The following SIDT1 variants were observed in gnomAD, a reference collection of about 807,000 sequenced individuals.
The protein encoded by SIDT1 is SID1 transmembrane family member 1.
Under a neutral mutation model 107.5 loss-of-function variants are expected in SIDT1, and 101 were observed. That is an observed-to-expected ratio of 0.94 (90% CI 0.80 to 1.11). The LOEUF (loss-of-function observed/expected upper bound fraction) is 1.11, where lower values mean the gene tolerates loss of function less well. Among genes scored for constraint, SIDT1 ranks in the 50% least tolerant of loss-of-function variants. The pLI is 0.00. For missense variants in SIDT1, 1,076 were observed against 1,058.2 expected (o/e 1.02, Z -0.23); for synonymous variants, 395 against 398.2 (o/e 0.99, Z 0.10).
chr3:113,603,004 G>T lies in SIDT1; in HGVS notation c.1118-1G>T. 6.2e-7 allele frequency: 1 copy of T among 1,613,626 alleles called. No homozygotes were observed. The highest frequency in any genetic ancestry group is 8.5e-7 in the Non-Finnish European group (1 of 1,179,778). ...TGGCAGATGAGTTGTCTCTGTTTCA[G>T]ATGAGTCAAGCTCCAGTCCTGGAAG... On this transcript the variant is annotated splice_acceptor_variant, in intron 11 of 24. Transcript: ENST00000264852. LOFTEE classifies it high-confidence loss of function.
intron 13 of SIDT1, among the ~76,000 whole-genome samples, chr3:113,604,425 G>T (rs1294406526): frequency 6.6e-6 from 1 of 152,170 alleles, no homozygotes; most frequent in African/African-American, 2.4e-5. Flanking sequence ...ACCCTTTCAC[G>T]TGATCCGTCA....
At position 113,611,131 on chromosome 3, in the gene SIDT1, C is replaced by T; in HGVS notation, c.1844C>T (p.Thr615Ile). 2 of 1,614,012 alleles carry T rather than the reference C, an allele frequency of 1.2e-6. No individual in the cohort carries two copies. Among genetic ancestry groups the T allele is most frequent in the Non-Finnish European group, 1.7e-6 (2 of 1,179,938 alleles). The change falls in exon 18 of 25, where the codon ACC becomes ATC. Residue 615 changes from threonine to isoleucine, a missense_variant. By Grantham distance (89) the Thr-to-Ile change is moderately conservative. Transcript: ENST00000264852. ...YASFAVVIMV[T>I]VLGVVFGKND... is the part of the protein sequence containing the mutation. ...TCCTTTGCTGTGGTCATCATGGTCACCGTCCTTGGAGTGGTGCGTCCCCCA... is the reference window on the plus strand; with the variant it reads ...TCCTTTGCTGTGGTCATCATGGTCATCGTCCTTGGAGTGGTGCGTCCCCCA...
chr3:113,589,056 C>G (rs1285089895), intron 9 of SIDT1, among the ~76,000 whole-genome samples: 1 of 152,182 alleles, frequency 6.6e-6, no homozygotes, highest in African/African-American at 2.4e-5. Context: ...CCAAGACAGA[C>G]AGCAGAAGAG....
In SIDT1 at chr3:113,548,512, T is replaced by C. The variant is rs555765582; in HGVS notation, c.222+15269T>C. 5.9e-5 allele frequency among the ~76,000 whole-genome samples: 9 copies of C among 152,252 alleles called. No homozygotes were observed. The East Asian group carries it at 1.2e-3, about 20-fold the overall frequency. On this transcript the variant is annotated intron_variant, in intron 1 of 24. Coordinates refer to ENST00000264852, the MANE Select transcript of SIDT1 (RefSeq NM_017699.3). The stretch of plus-strand genomic sequence containing the variant: ...GAGTTCGGAACATGCCACTCCACTA[T>C]ATGCTACTCTGGCATATTGACTATT...
chr3:113,591,028 G>A (rs184822883), intron 9 of SIDT1, among the ~76,000 whole-genome samples: 12 of 152,306 alleles, frequency 7.9e-5, no homozygotes, highest in Admixed American at 4.6e-4. Flanking sequence ...GTAATCACAA[G>A]AATCCTTATG....
At chr3:113,540,908 C>T (rs1938757188) in intron 1 of SIDT1, among the ~76,000 whole-genome samples, 3 of 152,026 alleles carry the variant, frequency 2.0e-5, no homozygotes, top group African/African-American at 7.3e-5. Context: ...GATACCTTCA[C>T]CCTCTCTTTC....
rs116582211 is a variant in SIDT1, at chr3:113,534,613, C to T, written c.222+1370C>T. 4.6e-3 allele frequency among the ~76,000 whole-genome samples: 704 copies of T among 152,264 alleles called. 5 individuals carry two copies. The highest frequency in any genetic ancestry group is 0.016 in the African/African-American group (674 of 41,540). Reference sequence around the variant, plus strand: ...TTCTATCTAGCGTGGGAGAACTCATCGACTGGTTGACATGTTGCACGTGAG... The same window carrying T: ...TTCTATCTAGCGTGGGAGAACTCATTGACTGGTTGACATGTTGCACGTGAG... On this transcript the variant is annotated intron_variant, in intron 1 of 24. Coordinates refer to ENST00000264852, the MANE Select transcript of SIDT1 (RefSeq NM_017699.3).
chr3:113,616,517 A>G (rs1455548754), intron 20 of SIDT1, among the ~76,000 whole-genome samples: 1 of 152,022 alleles, frequency 6.6e-6, no homozygotes, highest in Admixed American at 6.5e-5. Flanking sequence ...ATAGCATGGG[A>G]GGAGGGAGAA....
intron 3 of SIDT1, 160 bp downstream of exon 3, chr3:113,567,870 G>A (rs1942066871): frequency 3.0e-6 from 2 of 674,358 alleles, no homozygotes; most frequent in Non-Finnish European, 4.9e-6. Context: ...TGAGCAGCAG[G>A]GCCTTAATCT....
intron 17 of SIDT1, among the ~76,000 whole-genome samples, chr3:113,609,058 CTTTTT>C (rs11453487): frequency 3.5e-5 from 3 of 86,678 alleles, no homozygotes; most frequent in African/African-American, 8.6e-5. Flanking sequence ...TGAGCCCATT[CTTTTT>C]TTTTTTTTTT....
rs772854038 is a variant in SIDT1, at chr3:113,623,732, A to C, written c.2306A>C (p.Glu769Ala). 6.2e-7 allele frequency: 1 copy of C among 1,609,076 alleles called. No homozygotes were observed. The highest frequency in any genetic ancestry group is 1.1e-5 in the South Asian group (1 of 91,008). Residue 769 changes from glutamate (E) to alanine (A), a missense_variant and splice_region_variant, in exon 23 of 25, where the codon GAG becomes GCG. Coordinates refer to ENST00000264852, the MANE Select transcript of SIDT1 (RefSeq NM_017699.3). Reference sequence around the variant, plus strand: ...TTCTTCCAGAATCTCAGCAGCTGGGAGGTAAGAGGCCAGTTTTCTTATCCA... The same window carrying C: ...TTCTTCCAGAATCTCAGCAGCTGGGCGGTAAGAGGCCAGTTTTCTTATCCA... ...YFFFQNLSSW[E>A]GTPAESREKN...
chr3:113,585,365 A>G, intron 9 of SIDT1, 95 bp downstream of exon 9: 1 of 922,716 alleles, frequency 1.1e-6, no homozygotes, highest in Non-Finnish European at 1.8e-6. Flanking sequence ...CTGGCTTCAA[A>G]TCTCCCTCAG....
downstream of SIDT1, among the ~76,000 whole-genome samples, chr3:113,629,865 G>C (rs1947070280): frequency 6.6e-6 from 1 of 152,170 alleles, no homozygotes; most frequent in African/African-American, 2.4e-5. Context: ...TTTTGTTCCT[G>C]CAACAGTACC....
At chr3:113,578,611 G>A (rs2107493652) in intron 4 of SIDT1, among the ~76,000 whole-genome samples, 1 of 152,276 alleles carries the variant, frequency 6.6e-6, no homozygotes, top group East Asian at 1.9e-4. Flanking sequence ...ACTTTGGGAG[G>A]CTGAGGCAGA....
intron 9 of SIDT1, among the ~76,000 whole-genome samples, chr3:113,592,514 C>G (rs1426266051): frequency 6.6e-6 from 1 of 152,128 alleles, no homozygotes; most frequent in Non-Finnish European, 1.5e-5. Context: ...ACATTCCCAC[C>G]AACAATGTAT....
intron 1 of SIDT1, among the ~76,000 whole-genome samples, chr3:113,542,796 T>C (rs917773039): frequency 1.3e-5 from 2 of 152,172 alleles, no homozygotes; most frequent in Admixed American, 1.3e-4. Flanking sequence ...TTTCTCTTCC[T>C]TTTGCCCCTA....
intron 21 of SIDT1, among the ~76,000 whole-genome samples, chr3:113,620,143 A>C (rs1946366706): frequency 6.6e-6 from 1 of 151,766 alleles, no homozygotes; most frequent in Admixed American, 6.6e-5. Context: ...AATTTTCATA[A>C]AGACTACCCA....
chr3:113,570,513 G>A (rs1441780471), intron 3 of SIDT1, among the ~76,000 whole-genome samples: 1 of 152,258 alleles, frequency 6.6e-6, no homozygotes, highest in East Asian at 1.9e-4. Context: ...GGTCACAACT[G>A]TAGCGAGTGT....
chr3:113,580,794 A>G, intron 5 of SIDT1, 85 bp downstream of exon 5: 1 of 872,738 alleles, frequency 1.1e-6, no homozygotes, highest in Non-Finnish European at 1.9e-6. Flanking sequence ...GAAGCATGCC[A>G]TCCTCTTACT....
Sources: gnomAD v4.1 joint callset for allele counts (sites outside exome capture counted in the v4.1 genomes callset) on GRCh38, gnomAD v4.1.1 for gene constraint, MANE v1.5 for transcripts, NCBI Gene and HGNC (gene_info 2026-07-23, HGNC 2026-07-21) for gene names.